Variants in SCP2 observed in about 807,000 individuals in gnomAD.
SCP2 encodes SCP-2/3-oxoacyl-CoA thiolase.
Under a neutral mutation model 71.4 loss-of-function variants are expected in SCP2, and 48 were observed. That is an observed-to-expected ratio of 0.67 (90% CI 0.53 to 0.86). SCP2 has a LOEUF of 0.86. SCP2 is among the 40% of genes least tolerant of loss of function. The probability of loss-of-function intolerance (pLI) is 0.00; values close to 1 mark genes in which losing one functional copy is unlikely to be tolerated. For missense variants in SCP2, 560 were observed against 655.6 expected (o/e 0.85, Z 1.59); for synonymous variants, 220 against 218.1 (o/e 1.01, Z -0.08).
chr1:52,978,152 T>A (rs1658150287), intron 8 of SCP2, 65 bp from the exon 9 acceptor site: 1 of 1,501,356 alleles, frequency 6.7e-7, no homozygotes, highest in Non-Finnish European at 9.3e-7. Flanking sequence ...TAGAAGTAAC[T>A]CCTAGTCTGA....
At chr1:53,045,853 A>G (rs1218052458) in intron 14 of SCP2, among the ~76,000 whole-genome samples, 1 of 152,156 alleles carries the variant, frequency 6.6e-6, no homozygotes, top group African/African-American at 2.4e-5. Context: ...ATGTCCCTCT[A>G]TAGTCAGCCC....
Position 52,987,007 on chromosome 1 carries a change from T to TATATATATA in SCP2, c.974-1022_974-1021insATATATATA, listed in dbSNP as rs1491431026. 6.5e-4 allele frequency among the ~76,000 whole-genome samples: 41 copies of TATATATATA among 62,690 alleles called. No homozygotes were observed. The East Asian group carries it at 9.5e-3, about 15-fold the overall frequency. The allele number at this position is 62,690 out of a possible 152,430, so 41.1% of individuals were successfully genotyped here. ...TTCTGTATATATATATATATATATA[T>TATATATATA]TTTTTTTTTTTTTTTTTTGAGACAG... is the stretch of plus-strand genomic sequence containing the variant. On this transcript the variant is annotated intron_variant, in intron 10 of 15. Coordinates refer to ENST00000371514, the MANE Select transcript of SCP2 (RefSeq NM_002979.5).
At chr1:53,024,031 A>G (rs959822171) in intron 12 of SCP2, among the ~76,000 whole-genome samples, 6 of 151,964 alleles carry the variant, frequency 3.9e-5, no homozygotes, top group Non-Finnish European at 1.5e-5. Context: ...AGGCCACAAG[A>G]TTTTTCTCCT....
Position 52,950,906 on chromosome 1 carries a change from T to G in SCP2, c.331+20T>G, listed in dbSNP as rs1012540680. 3.1e-6 allele frequency: 5 copies of G among 1,611,440 alleles called. No individual in the cohort carries two copies. The highest frequency in any genetic ancestry group is 3.4e-6 in the Non-Finnish European group (4 of 1,177,856). On this transcript the variant is annotated intron_variant, in intron 4 of 15. Coordinates refer to ENST00000371514, the MANE Select transcript of SCP2 (RefSeq NM_002979.5). ...AGGGTGGTAAGGAGTGCTTGTCTAG[T>G]GTACTTAAATATTGCCCCATTTTAA...
At chr1:52,965,012 AAAAC>A (rs201634217) in intron 6 of SCP2, among the ~76,000 whole-genome samples, 19,536 of 151,988 alleles carry the variant, frequency 0.13, 1,586 homozygotes, top group East Asian at 0.36. Flanking sequence ...CTCCATCTCA[AAAAC>A]AAACAAACAA....
At chr1:53,017,214 G>T (rs1417012008) in intron 12 of SCP2, among the ~76,000 whole-genome samples, 1 of 151,910 alleles carries the variant, frequency 6.6e-6, no homozygotes, top group Non-Finnish European at 1.5e-5. Flanking sequence ...TAAAATTAAG[G>T]TATAATTTAC....
intron 3 of SCP2, among the ~76,000 whole-genome samples, chr1:52,950,108 T>TTTTATTTATTTA (rs35871937): frequency 1.9e-3 from 291 of 151,312 alleles, no homozygotes; most frequent in Middle Eastern, 6.8e-3. Context: ...GGTTTAAAGA[T>TTTTATTTATTTA]TTTATTTATT....
chr1:52,976,768 TG>T lies in SCP2; in HGVS notation c.674+1del. 7.2e-7 allele frequency: 1 copy of T among 1,390,140 alleles called. No homozygotes were observed. The highest frequency in any genetic ancestry group is 1.0e-6 in the Non-Finnish European group (1 of 976,244). The allele number at this position is 1,390,140 out of a possible 1,614,324, so 86.1% of individuals were successfully genotyped here. A position where few individuals can be genotyped will look rare whatever the true frequency, so the allele number is the denominator to read the frequency against. ...TGATTTTTTGACTATCTTACAATGTTGGTAAGAAAAATATATTTTAACATTT... is the reference window on the plus strand; with the variant it reads ...TGATTTTTTGACTATCTTACAATGTTGTAAGAAAAATATATTTTAACATTT... Reference protein sequence around the residue: ...VFDFLTILQCCPTSDGAAAAI... With the variant: ...VFDFLTILQCXPTSDGAAAAI... On this transcript the variant is annotated frameshift_variant and splice_region_variant, in exon 8 of 16. Transcript: ENST00000371514. LOFTEE classifies it high-confidence loss of function.
chr1:52,946,255 G>A (rs539281816), intron 2 of SCP2, among the ~76,000 whole-genome samples: 41 of 151,704 alleles, frequency 2.7e-4, no homozygotes, highest in Middle Eastern at 3.4e-3. Flanking sequence ...TTGAAACAGG[G>A]TCTGGCTCTG....
intron 6 of SCP2, among the ~76,000 whole-genome samples, chr1:52,972,711 TG>T (rs1344183085): frequency 2.0e-5 from 3 of 152,250 alleles, no homozygotes; most frequent in African/African-American, 4.8e-5. Context: ...GTCTTGTTTT[TG>T]TCTTCTGAGA....
At chr1:52,963,543 C>T (rs1034489067) in intron 6 of SCP2, 1 of 152,138 alleles carries the variant, frequency 6.6e-6, no homozygotes, top group African/African-American at 2.4e-5. Context: ...GATATTCAGA[C>T]AAGTTTTTGA....
intron 12 of SCP2, among the ~76,000 whole-genome samples, chr1:53,016,312 T>G (rs1661336041): frequency 6.6e-6 from 1 of 152,210 alleles, no homozygotes; most frequent in Admixed American, 6.5e-5. Flanking sequence ...TTGGTTTGGT[T>G]GCACTGTATC....
intron 11 of SCP2, among the ~76,000 whole-genome samples, chr1:52,992,269 C>T (rs1212847047): frequency 3.3e-5 from 5 of 151,602 alleles, no homozygotes; most frequent in Non-Finnish European, 7.4e-5. Flanking sequence ...GCTATGAAAG[C>T]GTATCTGCTT....
At chr1:53,003,320 A>G (rs1660436529) in intron 11 of SCP2, among the ~76,000 whole-genome samples, 1 of 152,120 alleles carries the variant, frequency 6.6e-6, no homozygotes, top group South Asian at 2.1e-4. Flanking sequence ...TTGGGCTCAA[A>G]TGATTCTACT....
chr1:52,976,108 G>C (rs1005322841), intron 7 of SCP2, among the ~76,000 whole-genome samples: 2 of 152,160 alleles, frequency 1.3e-5, no homozygotes, highest in Admixed American at 6.5e-5. Context: ...CCCAAGCAAA[G>C]CTTTCTTGCC....
chr1:53,018,200 C>T (rs1045449157), intron 12 of SCP2, among the ~76,000 whole-genome samples: 1 of 152,256 alleles, frequency 6.6e-6, no homozygotes, highest in East Asian at 1.9e-4. Context: ...TACAAACAAA[C>T]AGGAAAAAAT....
chr1:52,963,629 G>A (rs1656675882), intron 6 of SCP2: 1 of 152,168 alleles, frequency 6.6e-6, no homozygotes, highest in African/African-American at 2.4e-5. Context: ...CCCTTGCGCA[G>A]CCCTTTCTCC....
chr1:52,957,587 C>T (rs1054187048), intron 5 of SCP2, among the ~76,000 whole-genome samples: 1 of 152,210 alleles, frequency 6.6e-6, no homozygotes, highest in African/African-American at 2.4e-5. Context: ...AACACCTTTC[C>T]TGATTAGAAC....
intron 7 of SCP2, among the ~76,000 whole-genome samples, chr1:52,976,384 C>T (rs1410535775): frequency 6.6e-6 from 1 of 152,180 alleles, no homozygotes; most frequent in African/African-American, 2.4e-5. Context: ...TAACAAGGCC[C>T]ACCATAAGTG....
Sources: gnomAD v4.1 joint callset for allele counts (sites outside exome capture counted in the v4.1 genomes callset) on GRCh38, gnomAD v4.1.1 for gene constraint, MANE v1.5 for transcripts, NCBI Gene and HGNC (gene_info 2026-07-23, HGNC 2026-07-21) for gene names.